The following STAU2 variants were observed in gnomAD, a reference collection of about 807,000 sequenced individuals.
STAU2 encodes the protein staufen double-stranded RNA binding protein 2, also known as double-stranded RNA-binding protein Staufen homolog 2.
STAU2 carries 20 observed loss-of-function variants against 65.9 expected under a neutral mutation model. The ratio of observed to expected loss-of-function variants is 0.30; its 90% CI spans 0.21 to 0.44. The LOEUF is 0.44. STAU2 is among the 20% of genes least tolerant of loss of function. The pLI, the probability that STAU2 is intolerant of heterozygous loss-of-function variation, is 1.00. For synonymous variants in STAU2, 232 were observed against 233.9 expected (o/e 0.99, Z 0.07); for missense variants, 558 against 683.9 (o/e 0.82, Z 2.05).
chr8:73,507,343 A>G (rs1822127642), intron 13 of STAU2, among the ~76,000 whole-genome samples: 1 of 151,250 alleles, frequency 6.6e-6, no homozygotes, highest in South Asian at 2.1e-4. Context: ...AGCAGGCATG[A>G]AAACAACATT....
chr8:73,434,969 C>A (rs1463235466), intron 13 of STAU2, among the ~76,000 whole-genome samples: 1 of 151,876 alleles, frequency 6.6e-6, no homozygotes, highest in East Asian at 1.9e-4. Flanking sequence ...TACCTCACAA[C>A]CTCATTGAGT....
chr8:73,468,935 C>A (rs1292621757), intron 13 of STAU2, among the ~76,000 whole-genome samples: 1 of 135,936 alleles, frequency 7.4e-6, no homozygotes, highest in African/African-American at 2.8e-5. Flanking sequence ...TAACATTTGA[C>A]CCAGCCATCC....
At chr8:73,697,554 T>C (rs1028740429) in intron 4 of STAU2, 1 of 152,184 alleles carries the variant, frequency 6.6e-6, no homozygotes, top group African/African-American at 2.4e-5. Context: ...ACCTGTGGTG[T>C]ATAAACTACT....
chr8:73,475,685 T>C (rs1820284495), intron 13 of STAU2, among the ~76,000 whole-genome samples: 1 of 152,178 alleles, frequency 6.6e-6, no homozygotes, highest in Non-Finnish European at 1.5e-5. Context: ...AATACTAATT[T>C]AGAAGGTCCC....
At chr8:73,745,751 G>A (rs1807222982) in intron 1 of STAU2, among the ~76,000 whole-genome samples, 1 of 152,174 alleles carries the variant, frequency 6.6e-6, no homozygotes, top group Non-Finnish European at 1.5e-5. Context: ...ACCCTTTGGA[G>A]TGGGGATGGG....
At chr8:73,678,722 C>T (rs1818185059) in intron 5 of STAU2, among the ~76,000 whole-genome samples, 1 of 152,084 alleles carries the variant, frequency 6.6e-6, no homozygotes, top group African/African-American at 2.4e-5. Context: ...TCTGAAGAGG[C>T]TTTTAAAAAT....
intron 10 of STAU2, among the ~76,000 whole-genome samples, chr8:73,603,334 A>G (rs1811777787): frequency 2.0e-5 from 3 of 152,266 alleles, no homozygotes; most frequent in Non-Finnish European, 2.9e-5. Context: ...GACAGCCCAC[A>G]AGCTCAGGAT....
intron 4 of STAU2, among the ~76,000 whole-genome samples, chr8:73,704,273 G>C (rs907546640): frequency 3.9e-5 from 6 of 152,158 alleles, no homozygotes; most frequent in African/African-American, 1.4e-4. Flanking sequence ...TAGGAAAAGA[G>C]GGGATGGGGA....
chr8:73,630,080 T>C lies in STAU2; in HGVS notation c.411-12629A>G, dbSNP rs559486677. ...AGTACTTGGAACTTTAAGAAAACTC[T>C]TCCACTTTTAAAGTACCTTGGATTA... On this transcript the variant is annotated intron_variant, in intron 6 of 14. Coordinates refer to ENST00000524300, the MANE Select transcript of STAU2 (RefSeq NM_001164380.2). Among the ~76,000 whole-genome samples, 3 of 152,356 alleles carry C rather than the reference T, an allele frequency of 2.0e-5. No homozygotes were observed. The East Asian group carries it at 5.8e-4, about 29-fold the overall frequency.
intron 13 of STAU2, among the ~76,000 whole-genome samples, chr8:73,521,048 A>G (rs1823013184): frequency 6.6e-6 from 1 of 152,196 alleles, no homozygotes; most frequent in Non-Finnish European, 1.5e-5. Flanking sequence ...CTCTGTACAT[A>G]GTCTACAATC....
At chr8:73,631,835 C>T (rs1436089137) in intron 6 of STAU2, among the ~76,000 whole-genome samples, 3 of 152,022 alleles carry the variant, frequency 2.0e-5, no homozygotes, top group African/African-American at 7.3e-5. Context: ...AAGCAGTAAG[C>T]CATGATGAGA....
At chr8:73,640,093 T>C (rs573499068) in intron 6 of STAU2, among the ~76,000 whole-genome samples, 32 of 152,142 alleles carry the variant, frequency 2.1e-4, no homozygotes, top group Admixed American at 8.5e-4. Context: ...ACTTCAAATA[T>C]AAAAAGTGTT....
At chr8:73,622,808 C>T (rs976797924) in intron 6 of STAU2, among the ~76,000 whole-genome samples, 1 of 152,166 alleles carries the variant, frequency 6.6e-6, no homozygotes, top group Admixed American at 6.5e-5. Flanking sequence ...GACACAAGTG[C>T]ATGACGTAAA....
intron 9 of STAU2, among the ~76,000 whole-genome samples, chr8:73,605,878 TACACACACACACAC>T (rs58486426): frequency 2.5e-4 from 29 of 117,756 alleles, no homozygotes; most frequent in African/African-American, 6.1e-4. Context: ...CACACACACA[TACACACACACACAC>T]ACACACACAC....
intron 13 of STAU2, among the ~76,000 whole-genome samples, chr8:73,467,271 G>A (rs908947427): frequency 7.2e-5 from 11 of 152,182 alleles, no homozygotes; most frequent in African/African-American, 2.7e-4. Context: ...AGTGGCTCAC[G>A]CCTGTAATCC....
At chr8:73,589,637 ATT>A (rs1003859543) in intron 11 of STAU2, among the ~76,000 whole-genome samples, 50 of 152,340 alleles carry the variant, frequency 3.3e-4, no homozygotes, top group African/African-American at 1.2e-3. Flanking sequence ...CTGAAGAAAT[ATT>A]GTTGAACTTG....
At chr8:73,745,024 G>C (rs1408147616) in intron 1 of STAU2, among the ~76,000 whole-genome samples, 1 of 152,192 alleles carries the variant, frequency 6.6e-6, no homozygotes, top group Non-Finnish European at 1.5e-5. Context: ...GAAAAATGCA[G>C]TAATTTGTGA....
intron 4 of STAU2, among the ~76,000 whole-genome samples, chr8:73,690,001 G>GAAA (rs199512635): frequency 7.2e-6 from 1 of 139,376 alleles, no homozygotes; most frequent in Non-Finnish European, 1.6e-5. Context: ...GTCATAAAAG[G>GAAA]AAAAAAAAAA....
At chr8:73,645,298 C>A (rs1201505123) in intron 6 of STAU2, among the ~76,000 whole-genome samples, 1 of 152,100 alleles carries the variant, frequency 6.6e-6, no homozygotes, top group Non-Finnish European at 1.5e-5. Flanking sequence ...GTTTAAAATT[C>A]AATCAATGTA....
Sources: allele counts gnomAD v4.1 joint callset (sites outside exome capture counted in the v4.1 genomes callset), GRCh38; gene constraint gnomAD v4.1.1; transcripts MANE v1.5; gene names NCBI Gene and HGNC (gene_info 2026-07-23, HGNC 2026-07-21).